Variants in WDFY4 observed in about 807,000 individuals in gnomAD.
WDFY4 encodes WDFY family member 4.
WDFY4 carries 169 observed loss-of-function variants against 351.9 expected under a neutral mutation model. The observed-to-expected ratio is 0.48, with a 90% CI of 0.42 to 0.55. The LOEUF (loss-of-function observed/expected upper bound fraction) is 0.55. WDFY4 is among the 20% of genes least tolerant of loss of function. WDFY4 has a pLI of 0.00. For missense variants in WDFY4, 3,803 were observed against 3,935.6 expected (o/e 0.97, Z 0.90); for synonymous variants, 1,622 against 1,574.6 (o/e 1.03, Z -0.71).
intron 39 of WDFY4, among the ~76,000 whole-genome samples, chr10:48,865,363 A>G (rs1168580345): frequency 6.6e-6 from 1 of 152,198 alleles, no homozygotes; most frequent in Non-Finnish European, 1.5e-5. Context: ...TATGTGGTGT[A>G]GTACATTAAT....
intron 54 of WDFY4, among the ~76,000 whole-genome samples, chr10:48,965,574 C>A (rs61848117): frequency 0.44 from 66,791 of 152,002 alleles, 15,186 homozygotes; most frequent in Non-Finnish European, 0.51. Flanking sequence ...CCCATGCCCA[C>A]CCCAGCTGCC....
chr10:48,970,100 C>T (rs1036259181), intron 56 of WDFY4, 31 bp from the exon 57 acceptor site: 2 of 1,548,788 alleles, frequency 1.3e-6, no homozygotes, highest in African/African-American at 1.4e-5. Context: ...GCTGTCTCCA[C>T]AGCAGCGCTC....
intron 60 of WDFY4, chr10:48,979,832 C>T (rs922409247): frequency 1.3e-5 from 2 of 152,232 alleles, no homozygotes; most frequent in Non-Finnish European, 2.9e-5. Flanking sequence ...CTAGACCCAA[C>T]TCTGTCACAG....
intron 51 of WDFY4, among the ~76,000 whole-genome samples, chr10:48,947,408 C>T (rs1025680340): frequency 6.6e-5 from 10 of 152,168 alleles, no homozygotes; most frequent in Admixed American, 3.3e-4. Flanking sequence ...TGAAAGGCTT[C>T]GAAGGACAAA....
intron 47 of WDFY4, among the ~76,000 whole-genome samples, chr10:48,904,696 C>T (rs758143118): frequency 1.3e-4 from 19 of 151,972 alleles, no homozygotes; most frequent in Non-Finnish European, 2.1e-4. Flanking sequence ...TGCTCTATCC[C>T]GGTAACTTTA....
intron 10 of WDFY4, among the ~76,000 whole-genome samples, chr10:48,735,651 G>C (rs1490022540): frequency 1.3e-5 from 2 of 151,874 alleles, no homozygotes; most frequent in Non-Finnish European, 2.9e-5. Context: ...ATTCTCATTG[G>C]AGAAGAAAGC....
chr10:48,769,991 G>C (rs1210116618), intron 13 of WDFY4, among the ~76,000 whole-genome samples: 2 of 152,200 alleles, frequency 1.3e-5, no homozygotes, highest in Non-Finnish European at 2.9e-5. Flanking sequence ...TCCTGCGTTG[G>C]AAGTAATATG....
chr10:48,803,863 A>G (rs968565638), intron 25 of WDFY4, among the ~76,000 whole-genome samples: 2 of 151,998 alleles, frequency 1.3e-5, no homozygotes, highest in Admixed American at 1.3e-4. Context: ...GGCTCACATC[A>G]TTTTCTCTGA....
At position 48,771,749 on chromosome 10, in the gene WDFY4, TCC is replaced by T. The variant is rs1489024267; in HGVS notation, c.2554-2707_2554-2706del. On this transcript the variant is annotated intron_variant, in intron 13 of 61. Transcript: ENST00000325239. Reference sequence around the variant, plus strand: ...ACGTGTATCACCTTTAATCTGTGAATCCCTTGAAAGCAGGGACAGTGTCTTAT... The same window carrying T: ...ACGTGTATCACCTTTAATCTGTGAATCTTGAAAGCAGGGACAGTGTCTTAT... Among the ~76,000 whole-genome samples, 17 of 152,340 alleles carry T rather than the reference TCC, an allele frequency of 1.1e-4. 1 individual carries two copies. In the East Asian group the frequency reaches 2.1e-3, roughly 19 times the overall value.
chr10:48,964,156 G>C, intron 54 of WDFY4, 102 bp downstream of exon 54: 1 of 1,295,432 alleles, frequency 7.7e-7, no homozygotes, highest in Non-Finnish European at 1.1e-6. Flanking sequence ...CTGAAGAGGT[G>C]AAATGGTCCC....
At chr10:48,708,236 G>C (rs775919444) in intron 1 of WDFY4, among the ~76,000 whole-genome samples, 2 of 152,168 alleles carry the variant, frequency 1.3e-5, no homozygotes, top group African/African-American at 2.4e-5. Flanking sequence ...AGAGGAGCTG[G>C]GGGAAGGCTG....
chr10:48,953,525 A>G (rs755776543), intron 51 of WDFY4, among the ~76,000 whole-genome samples: 4 of 152,230 alleles, frequency 2.6e-5, no homozygotes, highest in Admixed American at 6.5e-5. Context: ...CCACCGTTGC[A>G]TACTGCCTCT....
At chr10:48,701,927 C>T (rs1277399144) in intron 1 of WDFY4, among the ~76,000 whole-genome samples, 1 of 152,224 alleles carries the variant, frequency 6.6e-6, no homozygotes, top group Non-Finnish European at 1.5e-5. Flanking sequence ...CCCCACTGTA[C>T]AGGATAAAAG....
At chr10:48,934,508 G>T (rs1449445240) in intron 47 of WDFY4, among the ~76,000 whole-genome samples, 3 of 152,228 alleles carry the variant, frequency 2.0e-5, no homozygotes, top group Admixed American at 1.3e-4. Flanking sequence ...TGTCATAAAA[G>T]TTGGGTCTTG....
intron 54 of WDFY4, among the ~76,000 whole-genome samples, chr10:48,964,665 G>C (rs781327085): frequency 3.3e-5 from 5 of 152,230 alleles, no homozygotes; most frequent in Admixed American, 2.6e-4. Context: ...GTGAAATTGT[G>C]AAGTCTCACC....
intron 46 of WDFY4, among the ~76,000 whole-genome samples, chr10:48,901,039 T>C (rs1189159531): frequency 2.0e-5 from 3 of 152,110 alleles, no homozygotes; most frequent in African/African-American, 7.2e-5. Context: ...AAGGAGCCCA[T>C]TTTGTGCTCA....
At chr10:48,721,100 A>G (rs1014230007) in intron 3 of WDFY4, among the ~76,000 whole-genome samples, 161 bp from the exon 4 acceptor site, 4 of 152,196 alleles carry the variant, frequency 2.6e-5, no homozygotes, top group Middle Eastern at 3.4e-3. Flanking sequence ...CAGGGTGTGG[A>G]GCGTTTGGTA....
chr10:48,721,161 C>T, intron 3 of WDFY4, 100 bp from the exon 4 acceptor site: 1 of 1,163,738 alleles, frequency 8.6e-7, no homozygotes, highest in South Asian at 1.4e-5. Context: ...AAGTCCTCTA[C>T]AGATGCTCAG....
intron 28 of WDFY4, among the ~76,000 whole-genome samples, chr10:48,809,863 G>T (rs1344393038): frequency 6.6e-6 from 1 of 152,204 alleles, no homozygotes; most frequent in Non-Finnish European, 1.5e-5. Flanking sequence ...ACTATGCCTA[G>T]TGTGTCAGCT....
Sources: allele counts gnomAD v4.1 joint callset (sites outside exome capture counted in the v4.1 genomes callset), GRCh38; gene constraint gnomAD v4.1.1; transcripts MANE v1.5; gene names NCBI Gene and HGNC (gene_info 2026-07-23, HGNC 2026-07-21).